The following SVIL variants were observed in gnomAD, a reference collection of about 807,000 sequenced individuals.
SVIL encodes the protein supervillin.
In SVIL, 101 loss-of-function variants were observed where a neutral mutation model predicts 240.4. The ratio of observed to expected loss-of-function variants is 0.42; its 90% CI spans 0.36 to 0.50. The LOEUF (loss-of-function observed/expected upper bound fraction) is 0.50. Among genes scored for constraint, SVIL ranks in the 20% least tolerant of loss-of-function variants. The pLI is 0.01. For missense variants in SVIL, 2,512 were observed against 2,818.7 expected (o/e 0.89, Z 2.46); for synonymous variants, 999 against 1,100.0 (o/e 0.91, Z 1.82).
chr10:29,469,634 T>C (rs567622962), intron 32 of SVIL, among the ~76,000 whole-genome samples: 1 of 152,334 alleles, frequency 6.6e-6, no homozygotes, highest in East Asian at 1.9e-4. Flanking sequence ...GGCTGTGGCC[T>C]TCACTGCCCT....
rs537282623 is a variant in SVIL, at chr10:29,588,004, C to T, written c.-200-18692G>A. The stretch of plus-strand genomic sequence containing the variant: ...TGGCCCCTGCACTGTACTACGCATA[C>T]AAGGAAAAGAACAGATCTCTGGTGA... On this transcript the variant is annotated intron_variant, in intron 1 of 37. Transcript: ENST00000355867. Among the ~76,000 whole-genome samples the T allele has an allele frequency of 1.0e-3, 159 of 152,104 alleles. 2 individuals carry two copies. In the South Asian group the frequency reaches 0.031, roughly 29 times the overall value.
At chr10:29,708,424 C>A (rs1242552366) in intron 1 of SVIL, among the ~76,000 whole-genome samples, 1 of 151,558 alleles carries the variant, frequency 6.6e-6, no homozygotes, top group Admixed American at 6.6e-5. Context: ...AGTTCAAGAC[C>A]AGCCTGGCCA....
chr10:29,669,007 G>A (rs762826081), intron 2 of SVIL, among the ~76,000 whole-genome samples: 1 of 152,164 alleles, frequency 6.6e-6, no homozygotes, highest in Non-Finnish European at 1.5e-5. Context: ...CAATGTCCCT[G>A]TCTCTATGGA....
At chr10:29,714,297 C>A (rs988665377) in intron 1 of SVIL, among the ~76,000 whole-genome samples, 2 of 152,056 alleles carry the variant, frequency 1.3e-5, no homozygotes, top group African/African-American at 4.8e-5. Flanking sequence ...AATTACATAA[C>A]GACATAGATG....
chr10:29,650,008 C>A (rs1958787976), intron 3 of SVIL, among the ~76,000 whole-genome samples: 1 of 152,170 alleles, frequency 6.6e-6, no homozygotes, highest in South Asian at 2.1e-4. Context: ...GATGACACAG[C>A]ATGAAGGCCC....
At chr10:29,705,254 G>C (rs1353591903) in intron 1 of SVIL, among the ~76,000 whole-genome samples, 3 of 152,220 alleles carry the variant, frequency 2.0e-5, no homozygotes, top group Admixed American at 6.5e-5. Flanking sequence ...AAAGGATAAA[G>C]GTGTGTGTGG....
At chr10:29,575,892 C>T (rs559282007) in intron 1 of SVIL, among the ~76,000 whole-genome samples, 23 of 152,128 alleles carry the variant, frequency 1.5e-4, no homozygotes, top group African/African-American at 5.3e-4. Flanking sequence ...TTGCTCAATG[C>T]ATTATAGTCA....
At chr10:29,576,959 C>A (rs1955724581) in intron 1 of SVIL, among the ~76,000 whole-genome samples, 1 of 152,206 alleles carries the variant, frequency 6.6e-6, no homozygotes, top group South Asian at 2.1e-4. Flanking sequence ...AGGCTCACTG[C>A]AACCTCTGCC....
At chr10:29,652,906 T>C (rs1364536993) in intron 3 of SVIL, among the ~76,000 whole-genome samples, 1 of 152,216 alleles carries the variant, frequency 6.6e-6, no homozygotes, top group African/African-American at 2.4e-5. Context: ...TATTGAGTCT[T>C]AACAGTTCTT....
At chr10:29,548,691 T>C (rs1564618950) in intron 6 of SVIL, among the ~76,000 whole-genome samples, 1 of 152,206 alleles carries the variant, frequency 6.6e-6, no homozygotes, top group Non-Finnish European at 1.5e-5. Context: ...TTCGTGTATA[T>C]TGCAGTCATA....
At chr10:29,681,207 A>T (rs1361974937) in intron 2 of SVIL, among the ~76,000 whole-genome samples, 1 of 152,102 alleles carries the variant, frequency 6.6e-6, no homozygotes, top group Non-Finnish European at 1.5e-5. Context: ...TTGTGTGGGA[A>T]GAGAAGAGGA....
chr10:29,622,204 C>T (rs371689623), intron 1 of SVIL, among the ~76,000 whole-genome samples: 143 of 141,312 alleles, frequency 1.0e-3, no homozygotes, highest in African/African-American at 3.6e-3. Flanking sequence ...GAGCCGAGAT[C>T]GCGCCACTGC....
At chr10:29,527,100 G>T in intron 12 of SVIL, 44 bp from the exon 13 acceptor site, 1 of 1,530,768 alleles carries the variant, frequency 6.5e-7, no homozygotes, top group Non-Finnish European at 9.0e-7. Flanking sequence ...TAAGGAGAGA[G>T]AAGAAAAGAA....
chr10:29,681,836 G>A (rs1299417164), intron 2 of SVIL, among the ~76,000 whole-genome samples: 1 of 152,116 alleles, frequency 6.6e-6, no homozygotes, highest in Non-Finnish European at 1.5e-5. Context: ...TGTCGCATTT[G>A]TTTATTTCAA....
chr10:29,501,460 G>C (rs1249586133), intron 17 of SVIL, among the ~76,000 whole-genome samples: 2 of 150,742 alleles, frequency 1.3e-5, no homozygotes, highest in African/African-American at 2.4e-5. Context: ...GGTGAGGAGT[G>C]GAGGGAGGAA....
intron 2 of SVIL, among the ~76,000 whole-genome samples, chr10:29,659,561 A>G (rs1323954152): frequency 6.6e-6 from 1 of 152,148 alleles, no homozygotes; most frequent in East Asian, 1.9e-4. Context: ...CAGCATAGAG[A>G]GAATGGGGTT....
intron 2 of SVIL, among the ~76,000 whole-genome samples, chr10:29,679,716 C>G (rs1433417019): frequency 6.6e-6 from 1 of 151,688 alleles, no homozygotes; most frequent in Non-Finnish European, 1.5e-5. Context: ...CCACCATGCC[C>G]CGCCAAGCCA....
chr10:29,698,997 T>G (rs76659107), intron 1 of SVIL, among the ~76,000 whole-genome samples: 14,117 of 152,254 alleles, frequency 0.093, 1,040 homozygotes, highest in African/African-American at 0.2. Flanking sequence ...TATAAAACTG[T>G]ATTTCAGTGT....
chr10:29,727,214 GT>G (rs1467348906), intron 1 of SVIL, among the ~76,000 whole-genome samples: 1 of 152,112 alleles, frequency 6.6e-6, no homozygotes, highest in African/African-American at 2.4e-5. Context: ...GAAGTTGATG[GT>G]TACATCAAGA....
Sources: allele counts gnomAD v4.1 joint callset (sites outside exome capture counted in the v4.1 genomes callset), GRCh38; gene constraint gnomAD v4.1.1; transcripts MANE v1.5; gene names NCBI Gene and HGNC (gene_info 2026-07-23, HGNC 2026-07-21).